The following GRM8 variants were observed in gnomAD, a reference collection of about 807,000 sequenced individuals.
The protein encoded by GRM8 is glutamate metabotropic receptor 8, also known as metabotropic glutamate receptor 8.
A neutral mutation model predicts 87.2 loss-of-function variants in GRM8; 47 were observed. That is an observed-to-expected ratio of 0.54 (90% confidence interval 0.43 to 0.69). The LOEUF (loss-of-function observed/expected upper bound fraction) is 0.69. Among genes scored for constraint, GRM8 ranks in the 30% least tolerant of loss-of-function variants. The pLI, the probability that GRM8 is intolerant of heterozygous loss-of-function variation, is 0.00. For synonymous variants in GRM8, 396 were observed against 404.5 expected, an observed-to-expected ratio of 0.98 and a Z score of 0.25; for missense variants, 1,019 against 1,139.2, an observed-to-expected ratio of 0.89 and a Z score of 1.52.
At chr7:126,716,303 T>C (rs895928149) in intron 7 of GRM8, among the ~76,000 whole-genome samples, 3 of 152,122 alleles carry the variant, frequency 2.0e-5, no homozygotes, top group Non-Finnish European at 4.4e-5. Flanking sequence ...GAGACTCATG[T>C]TGGCAGCAAC....
intron 7 of GRM8, among the ~76,000 whole-genome samples, chr7:126,668,490 C>T (rs1000220073): frequency 6.6e-6 from 1 of 151,906 alleles, no homozygotes. Flanking sequence ...CTTCCTTTTT[C>T]GAGACCCACC....
At chr7:127,117,707 C>T (rs552530441) in intron 2 of GRM8, among the ~76,000 whole-genome samples, 1 of 152,324 alleles carries the variant, frequency 6.6e-6, no homozygotes, top group African/African-American at 2.4e-5. Context: ...AACTCTCCCA[C>T]CCACTCATTC....
intron 7 of GRM8, among the ~76,000 whole-genome samples, chr7:126,727,789 C>T (rs76084208): frequency 6.6e-6 from 1 of 151,888 alleles, no homozygotes; most frequent in African/African-American, 2.4e-5. Context: ...TGCCTCTCCA[C>T]ACTCAATATC....
At chr7:126,496,969 G>GA (rs1808846710) in intron 9 of GRM8, among the ~76,000 whole-genome samples, 1 of 86,670 alleles carries the variant, frequency 1.2e-5, no homozygotes, top group African/African-American at 3.9e-5. Flanking sequence ...ATGAGTTTTG[G>GA]ATTTTTTTTT....
intron 3 of GRM8, among the ~76,000 whole-genome samples, chr7:127,096,502 A>G (rs1010491760): frequency 2.6e-5 from 4 of 151,938 alleles, no homozygotes; most frequent in Non-Finnish European, 5.9e-5. Flanking sequence ...AGAGGGTGCA[A>G]TGAGCCAAGA....
At chr7:126,538,396 G>T (rs1220312352) in intron 8 of GRM8, among the ~76,000 whole-genome samples, 3 of 151,984 alleles carry the variant, frequency 2.0e-5, no homozygotes, top group Non-Finnish European at 2.9e-5. Context: ...CAAGAATGTT[G>T]AACAAGTAAA....
chr7:126,801,821 T>C (rs1822738969), intron 6 of GRM8, among the ~76,000 whole-genome samples: 2 of 152,144 alleles, frequency 1.3e-5, no homozygotes, highest in Admixed American at 6.5e-5. Context: ...GTGGGTTGTC[T>C]GTCTCCTTTG....
intron 7 of GRM8, among the ~76,000 whole-genome samples, chr7:126,726,326 G>T (rs1013376606): frequency 2.6e-5 from 4 of 151,798 alleles, no homozygotes; most frequent in African/African-American, 9.7e-5. Context: ...TCAGTGGCTT[G>T]CCTGCTAGAT....
At position 126,727,499 on chromosome 7, in the gene GRM8, G is replaced by A. The variant is rs973903487; in HGVS notation, c.1357+42366C>T. Among the ~76,000 whole-genome samples, 6 of 152,120 alleles carry A rather than the reference G, an allele frequency of 3.9e-5. No homozygotes were observed. The East Asian group carries it at 5.8e-4, about 15-fold the overall frequency. ...GGGATCAGTTTCCATATAGGTAGAT[G>A]TCCCAGATACAAACTTTTCTAACTT... On this transcript the variant is annotated intron_variant, in intron 7 of 10. Transcript: ENST00000339582.
intron 2 of GRM8, among the ~76,000 whole-genome samples, chr7:127,145,444 T>A (rs1195288387): frequency 1.3e-5 from 2 of 152,142 alleles, no homozygotes; most frequent in Admixed American, 1.3e-4. Context: ...TTAATGTCTT[T>A]CTACAATTAA....
intron 9 of GRM8, among the ~76,000 whole-genome samples, chr7:126,506,904 C>A (rs1483928702): frequency 6.6e-6 from 1 of 152,074 alleles, no homozygotes; most frequent in Non-Finnish European, 1.5e-5. Flanking sequence ...AAATAACAAT[C>A]TAGGGGTGAA....
chr7:126,604,522 A>T (rs935247837), intron 8 of GRM8, among the ~76,000 whole-genome samples: 4 of 152,132 alleles, frequency 2.6e-5, no homozygotes, highest in African/African-American at 9.7e-5. Context: ...TTCGTTCAAT[A>T]CTTAATATGT....
chr7:126,594,542 G>A (rs1055714882), intron 8 of GRM8, among the ~76,000 whole-genome samples: 2 of 152,080 alleles, frequency 1.3e-5, no homozygotes, highest in Non-Finnish European at 2.9e-5. Context: ...AAGATGCAGA[G>A]AGTAGAATCA....
At chr7:126,521,603 T>C (rs1363790911) in intron 9 of GRM8, among the ~76,000 whole-genome samples, 1 of 152,148 alleles carries the variant, frequency 6.6e-6, no homozygotes, top group Non-Finnish European at 1.5e-5. Flanking sequence ...AATTGACTAA[T>C]TCTGATTTTA....
intron 8 of GRM8, among the ~76,000 whole-genome samples, chr7:126,581,721 C>A (rs1327452304): frequency 6.6e-6 from 1 of 152,076 alleles, no homozygotes; most frequent in Non-Finnish European, 1.5e-5. Context: ...CATGTACCCA[C>A]TTCATGTCTC....
At chr7:127,163,170 A>G (rs1053650243) in intron 2 of GRM8, among the ~76,000 whole-genome samples, 2 of 152,138 alleles carry the variant, frequency 1.3e-5, no homozygotes, top group East Asian at 3.9e-4. Flanking sequence ...ATTGGCTCTC[A>G]GTTCTGCAGG....
At chr7:126,872,794 C>T (rs768581929) in intron 6 of GRM8, among the ~76,000 whole-genome samples, 13 of 152,030 alleles carry the variant, frequency 8.6e-5, no homozygotes, top group Admixed American at 3.9e-4. Flanking sequence ...GGTCCACCTC[C>T]GGGCAGCATT....
intron 3 of GRM8, among the ~76,000 whole-genome samples, chr7:126,984,966 T>C (rs1205266867): frequency 1.3e-5 from 2 of 152,106 alleles, no homozygotes; most frequent in African/African-American, 4.8e-5. Context: ...TCATTTTATG[T>C]AATTAAAAGT....
intron 3 of GRM8, among the ~76,000 whole-genome samples, chr7:127,073,276 T>C (rs906182395): frequency 6.6e-6 from 1 of 152,206 alleles, no homozygotes. Flanking sequence ...TGGATCACTC[T>C]GAACCCATGA....
Sources: gnomAD v4.1 joint callset for allele counts (sites outside exome capture counted in the v4.1 genomes callset) on GRCh38, gnomAD v4.1.1 for gene constraint, MANE v1.5 for transcripts, NCBI Gene and HGNC (gene_info 2026-07-23, HGNC 2026-07-21) for gene names.